ZNF487: variants seen among roughly 807,000 people sequenced by gnomAD.
The protein encoded by ZNF487 is KRAB domain only 1.
Under a neutral mutation model 3.0 loss-of-function variants are expected in ZNF487, and 4 were observed. The observed-to-expected ratio is 1.35, with a 90% CI of 0.66 to 3.08. ZNF487 has a LOEUF of 3.08. ZNF487 is among the 30% of genes most tolerant of loss of function. The pLI, the probability that ZNF487 is intolerant of heterozygous loss-of-function variation, is 0.01. For missense variants in ZNF487, 146 were observed against 98.7 expected (o/e 1.48, Z -2.03); for synonymous variants, 55 against 34.6 (o/e 1.59, Z -2.06).
downstream of ZNF487, among the ~76,000 whole-genome samples, chr10:43,486,340 A>G (rs1413866274): frequency 6.6e-6 from 1 of 152,186 alleles, no homozygotes; most frequent in East Asian, 1.9e-4. Flanking sequence ...CAGCCTGACC[A>G]ACATGGAAAA....
intron 1 of ZNF487, among the ~76,000 whole-genome samples, chr10:43,465,364 G>A (rs1021382341): frequency 6.0e-5 from 9 of 148,888 alleles, no homozygotes; most frequent in East Asian, 5.9e-4. Context: ...GGTGGCTGCC[G>A]GGCGGAGGGG....
intron 1 of ZNF487, among the ~76,000 whole-genome samples, chr10:43,468,923 C>T (rs1465948045): frequency 7.4e-4 from 96 of 129,826 alleles, no homozygotes; most frequent in African/African-American, 2.6e-3. Context: ...CAGGAGGCAG[C>T]GCTTGCAGTG....
At position 43,482,847 on chromosome 10, in the gene ZNF487, G is replaced by A. The variant is rs564093035; in HGVS notation, c.*925G>A. ...GAAACCCTATGAATGTAATGAATGT[G>A]AGAAAATGTTCTACCACAAGTCATC... On this transcript the variant is annotated 3_prime_UTR_variant, in exon 4 of 4. Transcript: ENST00000437590. The A allele has an allele frequency of 1.3e-5, 7 of 528,476 alleles. No homozygotes were observed. The highest frequency in any genetic ancestry group is 7.9e-5 in the Admixed American group (4 of 50,368). The allele number at this position is 528,476 out of a possible 1,614,324, so 32.7% of individuals were successfully genotyped here.
chr10:43,505,168 C>T, the ZNF487 span, among the ~76,000 whole-genome samples: 6 of 152,182 alleles, frequency 3.9e-5, no homozygotes, highest in Non-Finnish European at 5.9e-5. Context: ...TACAGGCATG[C>T]ACCACCATGC....
At chr10:43,443,898 G>A (rs1839710179) in intron 1 of ZNF487, among the ~76,000 whole-genome samples, 1 of 150,778 alleles carries the variant, frequency 6.6e-6, no homozygotes, top group Non-Finnish European at 1.5e-5. Context: ...TGTCACCCAG[G>A]CTGGAGTGCA....
intron 1 of ZNF487, among the ~76,000 whole-genome samples, chr10:43,469,741 G>T (rs967873490): frequency 6.6e-6 from 1 of 152,048 alleles, no homozygotes; most frequent in Non-Finnish European, 1.5e-5. Context: ...TTGAGGCCAA[G>T]GGTTTGAGAC....
At chr10:43,504,866 C>G in the ZNF487 span, among the ~76,000 whole-genome samples, 1 of 151,694 alleles carries the variant, frequency 6.6e-6, no homozygotes, top group South Asian at 2.1e-4. Context: ...GCCACCACGC[C>G]TGGCTAATTT....
At chr10:43,479,970 CT>C (rs141052349) in intron 3 of ZNF487, among the ~76,000 whole-genome samples, 11,723 of 53,850 alleles carry the variant, frequency 0.22, 974 homozygotes, top group East Asian at 0.37. Context: ...TTCTTTCTTT[CT>C]TTTCTTTCTT....
intron 1 of ZNF487, among the ~76,000 whole-genome samples, chr10:43,462,502 C>A (rs1840468559): frequency 1.4e-5 from 2 of 141,582 alleles, no homozygotes; most frequent in Admixed American, 1.5e-4. Flanking sequence ...TGTCACCAGG[C>A]TGGAGTGCAG....
the ZNF487 span, among the ~76,000 whole-genome samples, chr10:43,495,850 A>T: frequency 6.6e-6 from 1 of 152,130 alleles, no homozygotes; most frequent in African/African-American, 2.4e-5. Context: ...TACTTTTGTG[A>T]TTTGTTCTCC....
chr10:43,496,436 G>A, the ZNF487 span, among the ~76,000 whole-genome samples: 1 of 152,068 alleles, frequency 6.6e-6, no homozygotes, highest in Non-Finnish European at 1.5e-5. Context: ...CATTCACAGG[G>A]TATTGCATTA....
At chr10:43,485,417 A>G (rs532727205), downstream of ZNF487, among the ~76,000 whole-genome samples, 81 of 152,238 alleles carry the variant, frequency 5.3e-4, no homozygotes, top group Non-Finnish European at 1.3e-4. Context: ...TTACATTTCC[A>G]TAAAGAAAAA....
the ZNF487 span, among the ~76,000 whole-genome samples, chr10:43,494,987 T>C: frequency 6.6e-6 from 1 of 151,564 alleles, no homozygotes; most frequent in East Asian, 1.9e-4. Flanking sequence ...CCTAGCTGTT[T>C]ACATTATTTA....
chr10:43,505,031 T>C, the ZNF487 span, among the ~76,000 whole-genome samples: 1 of 152,028 alleles, frequency 6.6e-6, no homozygotes, highest in Non-Finnish European at 1.5e-5. Flanking sequence ...TTTAAAGAGA[T>C]GGAGTATTGC....
At chr10:43,448,691 C>G (rs556564091) in intron 1 of ZNF487, among the ~76,000 whole-genome samples, 1 of 152,048 alleles carries the variant, frequency 6.6e-6, no homozygotes, top group African/African-American at 2.4e-5. Context: ...GTGGCGCACA[C>G]CTGTAGTCCC....
At chr10:43,519,956 A>T in the ZNF487 span, among the ~76,000 whole-genome samples, 11 of 152,356 alleles carry the variant, frequency 7.2e-5, no homozygotes, top group South Asian at 2.3e-3. Context: ...CAGATGGTTA[A>T]ATGAATGAAT....
At chr10:43,496,359 C>G in the ZNF487 span, among the ~76,000 whole-genome samples, 1 of 152,170 alleles carries the variant, frequency 6.6e-6, no homozygotes, top group African/African-American at 2.4e-5. Context: ...ACTACAGCTC[C>G]TAAAACTGCA....
chr10:43,500,984 A>G, the ZNF487 span, among the ~76,000 whole-genome samples: 1 of 152,234 alleles, frequency 6.6e-6, no homozygotes, highest in Non-Finnish European at 1.5e-5. Flanking sequence ...ACTCTGGGAC[A>G]TGTTAGGCAA....
At chr10:43,492,157 G>C in the ZNF487 span, among the ~76,000 whole-genome samples, 1 of 151,734 alleles carries the variant, frequency 6.6e-6, no homozygotes, top group African/African-American at 2.4e-5. Context: ...ACATTGCCCA[G>C]GCTACCGCCA....
Sources: gnomAD v4.1 joint callset for allele counts (sites outside exome capture counted in the v4.1 genomes callset) on GRCh38, gnomAD v4.1.1 for gene constraint, MANE v1.5 for transcripts, NCBI Gene and HGNC (gene_info 2026-07-23, HGNC 2026-07-21) for gene names.